The following CALD1 variants were observed in gnomAD, a reference collection of about 807,000 sequenced individuals.
CALD1 encodes caldesmon.
In CALD1, 33 loss-of-function variants were observed where a neutral mutation model predicts 99.9. The observed-to-expected ratio is 0.33, with a 90% CI of 0.25 to 0.44. The LOEUF is 0.44. CALD1 is among the 20% of genes least tolerant of loss of function. The probability of loss-of-function intolerance (pLI) is 1.00; values close to 1 mark genes in which losing one functional copy is unlikely to be tolerated. For missense variants in CALD1, 861 were observed against 962.1 expected (o/e 0.89, Z 1.39); for synonymous variants, 310 against 325.0 (o/e 0.95, Z 0.50).
intron 1 of CALD1, among the ~76,000 whole-genome samples, chr7:134,760,217 G>A (rs1489015564): frequency 3.9e-5 from 6 of 152,214 alleles, no homozygotes; most frequent in Admixed American, 3.9e-4. Flanking sequence ...TACCCTGAGT[G>A]TGGTAGGAAA....
chr7:134,717,753 G>C, the CALD1 span, among the ~76,000 whole-genome samples: 1 of 152,336 alleles, frequency 6.6e-6, no homozygotes, highest in East Asian at 1.9e-4. Context: ...ATGTTTAATG[G>C]ATTGGTAAAC....
intron 1 of CALD1, among the ~76,000 whole-genome samples, chr7:134,784,388 G>A (rs951955953): frequency 6.6e-6 from 1 of 152,228 alleles, no homozygotes; most frequent in East Asian, 1.9e-4. Flanking sequence ...AAGGACCAAG[G>A]CAAAGTGCCC....
At chr7:134,948,513 AC>A (rs1807088999) in intron 8 of CALD1, among the ~76,000 whole-genome samples, 1 of 152,204 alleles carries the variant, frequency 6.6e-6, no homozygotes, top group African/African-American at 2.4e-5. Flanking sequence ...ATCCTGAGGT[AC>A]ATCGTTCTCA....
intron 1 of CALD1, among the ~76,000 whole-genome samples, chr7:134,828,072 A>G (rs1277966207): frequency 1.3e-5 from 2 of 152,198 alleles, no homozygotes; most frequent in Non-Finnish European, 2.9e-5. Context: ...AAATCACACT[A>G]TGTCTAAACA....
chr7:134,743,210 A>T (rs945595919), upstream of CALD1, among the ~76,000 whole-genome samples: 15 of 152,206 alleles, frequency 9.9e-5, no homozygotes. Context: ...TTCCATGAAG[A>T]AGCATCTTCA....
chr7:134,870,505 A>G (rs762758797), intron 3 of CALD1, among the ~76,000 whole-genome samples: 63 of 152,274 alleles, frequency 4.1e-4, no homozygotes, highest in South Asian at 1.0e-3. Flanking sequence ...TGTGTGGAAG[A>G]ATTTCTCTTC....
chr7:134,843,908 A>G lies in CALD1; in HGVS notation c.-105A>G, dbSNP rs1193840086. On this transcript the variant is annotated 5_prime_UTR_variant, in exon 2 of 15. Coordinates refer to ENST00000361675, the MANE Select transcript of CALD1 (RefSeq NM_033138.4). ...GGTATCATTGGAACATTTCAAGATC[A>G]TCAAATCAAATTCCACAGGGATTGG... The G allele has an allele frequency of 2.0e-5, 3 of 152,202 alleles. No homozygotes were observed. Among genetic ancestry groups the G allele is most frequent in the Non-Finnish European group, 4.4e-5 (3 of 68,040 alleles). The allele number at this position is 152,202 out of a possible 1,614,324, so 9.4% of individuals were successfully genotyped here. A position where few individuals can be genotyped will look rare whatever the true frequency, so the allele number is the denominator to read the frequency against.
chr7:134,735,939 A>G, the CALD1 span, among the ~76,000 whole-genome samples: 287 of 152,272 alleles, frequency 1.9e-3, 1 homozygote, highest in African/African-American at 6.7e-3. Context: ...CAATATTACT[A>G]CTAAAAGGAA....
intron 1 of CALD1, among the ~76,000 whole-genome samples, chr7:134,756,298 A>G (rs910927451): frequency 1.3e-5 from 2 of 149,770 alleles, no homozygotes; most frequent in Non-Finnish European, 3.0e-5. Flanking sequence ...AAAACTAAAA[A>G]TTAAAAAAAA....
At chr7:134,965,998 A>G (rs1808653819) in intron 14 of CALD1, among the ~76,000 whole-genome samples, 1 of 152,180 alleles carries the variant, frequency 6.6e-6, no homozygotes, top group Non-Finnish European at 1.5e-5. Context: ...TGATGCTTAC[A>G]CTGCAAATGG....
upstream of CALD1, among the ~76,000 whole-genome samples, chr7:134,743,889 G>A (rs769884701): frequency 2.6e-5 from 4 of 152,168 alleles, no homozygotes; most frequent in South Asian, 2.1e-4. Flanking sequence ...ATTCACATGC[G>A]TAAAGTTGAG....
intron 6 of CALD1, among the ~76,000 whole-genome samples, chr7:134,936,313 C>T (rs1477808013): frequency 2.0e-5 from 3 of 152,174 alleles, no homozygotes; most frequent in Non-Finnish European, 4.4e-5. Context: ...GAGGCACACA[C>T]AGGAGCGGGT....
In CALD1 at chr7:134,839,186, A is replaced by G. The variant is rs373711367; in HGVS notation, c.-129-4698A>G. On this transcript the variant is annotated intron_variant, in intron 1 of 14. Transcript: ENST00000361675. ...TCGGTTTTTATATTAATGAAATCAT[A>G]TAGTAATTTTTGTTGTGTTGTTTAC... is the stretch of plus-strand genomic sequence containing the variant. Among the ~76,000 whole-genome samples the G allele has an allele frequency of 7.9e-5, 12 of 152,322 alleles. No individual in the cohort carries two copies. In the East Asian group the frequency reaches 2.1e-3, roughly 27 times the overall value.
chr7:134,840,567 G>A (rs779944422), intron 1 of CALD1, among the ~76,000 whole-genome samples: 7 of 152,146 alleles, frequency 4.6e-5, no homozygotes, highest in Non-Finnish European at 8.8e-5. Context: ...AGATACCTAC[G>A]TCAGTCTAGC....
intron 3 of CALD1, among the ~76,000 whole-genome samples, chr7:134,912,690 C>A (rs972251478): frequency 6.6e-6 from 1 of 152,140 alleles, no homozygotes; most frequent in Non-Finnish European, 1.5e-5. Context: ...TCTTCATACT[C>A]CACCTTGGAA....
In CALD1 at chr7:134,933,735, A is replaced by C. The variant is rs1421753310; in HGVS notation, c.966A>C (p.Lys322Asn). The stretch of plus-strand genomic sequence containing the variant: ...GGGAAAGGATGAGGGAGGAAGAGAA[A>C]AGGGCAGCAGAGGAGAGGCAGAGGA... The part of the protein sequence containing the change: ...EERERMREEE[K>N]RAAEERQRIK... Residue 322 changes from lysine to asparagine, a missense_variant, in exon 5 of 15, where the codon AAA becomes AAC. By Grantham distance (94) the Lys-to-Asn change is moderately conservative (BLOSUM62 0). Transcript: ENST00000361675. The C allele has an allele frequency of 6.4e-7, 1 of 1,557,814 alleles. No individual in the cohort carries two copies. The highest frequency in any genetic ancestry group is 1.9e-5 in the Admixed American group (1 of 51,322).
chr7:134,877,002 C>T (rs1412698019), intron 3 of CALD1, among the ~76,000 whole-genome samples: 3 of 152,152 alleles, frequency 2.0e-5, no homozygotes, highest in Admixed American at 6.5e-5. Context: ...TTCTACTCCG[C>T]CTCTCTCAGC....
intron 3 of CALD1, among the ~76,000 whole-genome samples, chr7:134,895,612 C>T (rs1359858331): frequency 6.6e-6 from 1 of 152,020 alleles, no homozygotes; most frequent in Non-Finnish European, 1.5e-5. Context: ...TCTGCTGTAG[C>T]CAAGAGTAAC....
intron 2 of CALD1, among the ~76,000 whole-genome samples, chr7:134,857,151 C>T (rs1426822746): frequency 7.3e-6 from 1 of 137,828 alleles, no homozygotes; most frequent in Admixed American, 7.3e-5. Flanking sequence ...TATGGTTTTG[C>T]GCTATTCTTT....
Sources: allele counts gnomAD v4.1 joint callset (sites outside exome capture counted in the v4.1 genomes callset), GRCh38; gene constraint gnomAD v4.1.1; transcripts MANE v1.5; gene names NCBI Gene and HGNC (gene_info 2026-07-23, HGNC 2026-07-21).